The following ADK variants were observed in gnomAD, a reference collection of about 807,000 sequenced individuals.
ADK encodes adenosine kinase.
A neutral mutation model predicts 44.7 loss-of-function variants in ADK; 24 were observed. The ratio of observed to expected loss-of-function variants is 0.54; its 90% CI spans 0.39 to 0.76. ADK has a LOEUF of 0.76. ADK is among the 30% of genes least tolerant of loss of function. ADK has a pLI of 0.00. For missense variants in ADK, 321 were observed against 425.1 expected (o/e 0.76, Z 2.15); for synonymous variants, 128 against 142.6 (o/e 0.90, Z 0.73).
intron 7 of ADK, among the ~76,000 whole-genome samples, chr10:74,580,690 A>G (rs1851344926): frequency 6.6e-6 from 1 of 152,078 alleles, no homozygotes; most frequent in Admixed American, 6.6e-5. Flanking sequence ...AGGCTTCCCC[A>G]GCCACATGGA....
intron 4 of ADK, among the ~76,000 whole-genome samples, chr10:74,358,759 A>G (rs1226022100): frequency 6.6e-6 from 1 of 152,258 alleles, no homozygotes; most frequent in Non-Finnish European, 1.5e-5. Context: ...AAATATAGCA[A>G]CATTTTGGAA....
intron 7 of ADK, among the ~76,000 whole-genome samples, chr10:74,527,267 A>C (rs1849083698): frequency 6.6e-6 from 1 of 152,154 alleles, no homozygotes; most frequent in South Asian, 2.1e-4. Context: ...AGGCTGAGAC[A>C]GGAGAATGGC....
chr10:74,228,755 A>T (rs1844642189), intron 3 of ADK, among the ~76,000 whole-genome samples: 1 of 152,198 alleles, frequency 6.6e-6, no homozygotes, highest in African/African-American at 2.4e-5. Context: ...ACCTTGGATT[A>T]TGAGATCTGA....
At chr10:74,468,660 G>A (rs1483325756) in intron 6 of ADK, among the ~76,000 whole-genome samples, 1 of 151,982 alleles carries the variant, frequency 6.6e-6, no homozygotes, top group African/African-American at 2.4e-5. Context: ...CTTCTGAAAT[G>A]GAAAGATGAA....
chr10:74,316,980 G>A (rs932108733), intron 4 of ADK, among the ~76,000 whole-genome samples: 2 of 152,058 alleles, frequency 1.3e-5, no homozygotes, highest in African/African-American at 4.8e-5. Flanking sequence ...GTAATAAAAG[G>A]AATTTGAAGC....
At chr10:74,501,863 G>GAAT (rs1219533317) in intron 6 of ADK, among the ~76,000 whole-genome samples, 3 of 152,074 alleles carry the variant, frequency 2.0e-5, no homozygotes, top group Non-Finnish European at 4.4e-5. Context: ...GAGGAATGGG[G>GAAT]AATAACTTTT....
chr10:74,469,163 C>T (rs1846467519), intron 6 of ADK, among the ~76,000 whole-genome samples: 1 of 151,992 alleles, frequency 6.6e-6, no homozygotes, highest in Non-Finnish European at 1.5e-5. Context: ...TGTTGCAAAA[C>T]CCCATCCCTA....
chr10:74,300,304 TTCCTTC>T (rs1839976311), intron 3 of ADK, among the ~76,000 whole-genome samples: 1 of 81,396 alleles, frequency 1.2e-5, no homozygotes, highest in Non-Finnish European at 2.4e-5. Context: ...CCTTCCTTCC[TTCCTTC>T]TTTCCTTCCT....
chr10:74,273,802 A>T (rs370418929), intron 3 of ADK, among the ~76,000 whole-genome samples: 4 of 152,158 alleles, frequency 2.6e-5, no homozygotes, highest in East Asian at 3.8e-4. Context: ...AATAAACATC[A>T]TATACCCAAA....
intron 6 of ADK, among the ~76,000 whole-genome samples, chr10:74,478,584 G>C (rs1336672363): frequency 7.2e-5 from 11 of 152,106 alleles, no homozygotes; most frequent in Non-Finnish European, 1.6e-4. Flanking sequence ...CTCTTTGTTA[G>C]TAACTCTCAG....
At chr10:74,464,586 AC>A (rs1406559903) in intron 6 of ADK, among the ~76,000 whole-genome samples, 1 of 152,120 alleles carries the variant, frequency 6.6e-6, no homozygotes, top group African/African-American at 2.4e-5. Flanking sequence ...GAATCTATAC[AC>A]AATTCATGGA....
chr10:74,242,462 AGTGT>A lies in ADK; in HGVS notation c.194+17874_194+17877del, dbSNP rs1444610367. ...AACAGTTATTGGAAAAATATATTTT[AGTGT>A]GTTATTTTAGATAATTAAAAGTACA... is the stretch of plus-strand genomic sequence containing the variant. On this transcript the variant is annotated intron_variant, in intron 3 of 10. Transcript: ENST00000539909. Among the ~76,000 whole-genome samples, 6 of 152,348 alleles carry A rather than the reference AGTGT, an allele frequency of 3.9e-5. No homozygotes were observed. The East Asian group carries it at 1.2e-3, about 29-fold the overall frequency.
chr10:74,694,219 A>G (rs1411312086), intron 10 of ADK, among the ~76,000 whole-genome samples: 3 of 114,688 alleles, frequency 2.6e-5, no homozygotes, highest in Admixed American at 2.4e-4. Context: ...GGATCTGACT[A>G]AAGACTAAAA....
intron 1 of ADK, among the ~76,000 whole-genome samples, chr10:74,155,674 G>A (rs1422874922): frequency 2.0e-5 from 3 of 151,996 alleles, no homozygotes; most frequent in Admixed American, 6.6e-5. Context: ...GACTACAGGC[G>A]CCTGCCATCA....
chr10:74,209,432 A>C (rs909890147), intron 2 of ADK, among the ~76,000 whole-genome samples: 1 of 152,250 alleles, frequency 6.6e-6, no homozygotes, highest in African/African-American at 2.4e-5. Context: ...AAGAAAAATA[A>C]AACAACAACA....
chr10:74,419,411 A>G (rs1213493225), intron 6 of ADK, among the ~76,000 whole-genome samples: 1 of 152,132 alleles, frequency 6.6e-6, no homozygotes. Flanking sequence ...CAGGTACAAT[A>G]CCAGAGGAAC....
Position 74,273,416 on chromosome 10 carries a change from C to T in ADK, c.195-41251C>T, listed in dbSNP as rs574226043. Among the ~76,000 whole-genome samples, 18 of 152,152 alleles carry T rather than the reference C, an allele frequency of 1.2e-4. No homozygotes were observed. The South Asian group carries it at 3.5e-3, about 30-fold the overall frequency. ...GGGCCTGAATTGCAATTTGATTTTT[C>T]CCTCTGCCCAATTCGGCTTTCTTCC... is the stretch of plus-strand genomic sequence containing the variant. On this transcript the variant is annotated intron_variant, in intron 3 of 10. Transcript: ENST00000539909.
intron 1 of ADK, among the ~76,000 whole-genome samples, chr10:74,182,609 T>A (rs1166124824): frequency 6.6e-6 from 1 of 152,154 alleles, no homozygotes; most frequent in Non-Finnish European, 1.5e-5. Flanking sequence ...CCTCAGGTGA[T>A]TCTCCTGCCT....
chr10:74,387,210 C>T (rs577002513), intron 4 of ADK, among the ~76,000 whole-genome samples: 2 of 152,340 alleles, frequency 1.3e-5, no homozygotes, highest in African/African-American at 4.8e-5. Flanking sequence ...GCTGGGATTA[C>T]AGGCGTGAGC....
Sources: gnomAD v4.1 joint callset for allele counts (sites outside exome capture counted in the v4.1 genomes callset) on GRCh38, gnomAD v4.1.1 for gene constraint, MANE v1.5 for transcripts, NCBI Gene and HGNC (gene_info 2026-07-23, HGNC 2026-07-21) for gene names.